Variants in APOM observed in about 807,000 individuals in gnomAD.
APOM encodes NG20-like protein.
Under a neutral mutation model 23.5 loss-of-function variants are expected in APOM, and 24 were observed. The observed-to-expected ratio is 1.02, with a 90% CI of 0.74 to 1.44. APOM has a LOEUF of 1.44. APOM is among the 40% of genes most tolerant of loss of function. The probability of loss-of-function intolerance (pLI) is 0.00; values close to 1 mark genes in which losing one functional copy is unlikely to be tolerated. For missense variants in APOM, 200 were observed against 233.2 expected (o/e 0.86, Z 0.93); for synonymous variants, 82 against 84.1 (o/e 0.97, Z 0.14).
At chr6:31,655,717 C>CCTGA (rs951357977), upstream of APOM, 2 of 470,008 alleles carry the variant, frequency 4.3e-6, no homozygotes, top group Non-Finnish European at 7.8e-6. Flanking sequence ...GCTCAGCTCT[C>CCTGA]CTCATAACTC....
upstream of APOM, chr6:31,652,487 G>C (rs1453417446): frequency 6.6e-6 from 1 of 152,280 alleles, no homozygotes; most frequent in African/African-American, 2.4e-5. Flanking sequence ...GATACTTCCG[G>C]CTCCCCCCAG....
At chr6:31,657,155 A>G (rs1800178215) in intron 2 of APOM, 70 bp from the exon 3 acceptor site, 1 of 1,480,438 alleles carries the variant, frequency 6.8e-7, no homozygotes, top group South Asian at 1.2e-5. Context: ...CAAAAAAAAA[A>G]AAAAGAAGCT....
Position 31,655,900 on chromosome 6 carries a change from G to T in APOM, c.-67G>T. The T allele has an allele frequency of 1.0e-5, 11 of 1,086,072 alleles. No homozygotes were observed. Among genetic ancestry groups the T allele is most frequent in the Non-Finnish European group, 1.5e-5 (11 of 726,940 alleles). The allele number at this position is 1,086,072 out of a possible 1,614,324, so 67.3% of individuals were successfully genotyped here. A position where few individuals can be genotyped will look rare whatever the true frequency, so the allele number is the denominator to read the frequency against. On this transcript the variant is annotated 5_prime_UTR_variant, in exon 1 of 6. Coordinates refer to ENST00000375916, the MANE Select transcript of APOM (RefSeq NM_019101.3). ...ACGCAAGGGAGCTGAAAGCAGAGTG[G>T]ACTGAGCAGCCAGTAGGGGAGAGAG...
chr6:31,655,784 G>A (rs1404073224), upstream of APOM: 3 of 580,378 alleles, frequency 5.2e-6, no homozygotes, highest in African/African-American at 1.9e-5. Flanking sequence ...CCGGAAGAGG[G>A]GGAGGAAGTC....
At chr6:31,653,102 C>G (rs953162210), upstream of APOM, among the ~76,000 whole-genome samples, 3 of 152,212 alleles carry the variant, frequency 2.0e-5, no homozygotes, top group African/African-American at 7.2e-5. Context: ...GGGCTGTGGG[C>G]GTCACATTCG....
At chr6:31,655,207 C>T (rs1799915791), upstream of APOM, among the ~76,000 whole-genome samples, 1 of 152,206 alleles carries the variant, frequency 6.6e-6, no homozygotes, top group African/African-American at 2.4e-5. Flanking sequence ...TCTCAAAGTG[C>T]TGAGATTACA....
chr6:31,655,116 T>A (rs805296), upstream of APOM, among the ~76,000 whole-genome samples: 2 of 152,170 alleles, frequency 1.3e-5, no homozygotes, highest in Non-Finnish European at 2.9e-5. Flanking sequence ...AATTTTTGTA[T>A]TTTTTGTAGA....
upstream of APOM, among the ~76,000 whole-genome samples, chr6:31,652,960 C>G (rs997773381): frequency 6.6e-6 from 1 of 152,154 alleles, no homozygotes; most frequent in Non-Finnish European, 1.5e-5. Context: ...CACCCTATTG[C>G]CCTCGCTGCG....
rs1800071612 is a variant in APOM, at chr6:31,656,460, TTG to T, written c.115-10_115-9del. 6.2e-7 allele frequency: 1 copy of T among 1,612,904 alleles called. No individual in the cohort carries two copies. The highest frequency in any genetic ancestry group is 2.2e-5 in the East Asian group (1 of 44,888). On this transcript the variant is annotated splice_polypyrimidine_tract_variant and intron_variant, in intron 1 of 5. Transcript: ENST00000375916. ...AACCCACCCTCTTTTGCTCCCTTCA[TTG>T]TCTCTCCAGTTCCCAGAGGTCCACT...
chr6:31,656,591 C>A lies in APOM; in HGVS notation c.234C>A (p.Ala78=). The A allele has an allele frequency of 6.2e-7, 1 of 1,614,082 alleles. No homozygotes were observed. The highest frequency in any genetic ancestry group is 8.5e-7 in the Non-Finnish European group (1 of 1,179,998). ...NIVFNMAAGS[A]PMQLHLRATI... is the part of the protein sequence containing the mutation. ...TCTTCAATATGGCTGCTGGCTCTGC[C>A]CCGATGCAGCTCCACCTTCGTGCTA... The change falls in exon 2 of 6, where the codon GCC becomes GCA. Residue 78 remains alanine, a synonymous_variant. Transcript: ENST00000375916.
chr6:31,658,105 A>G lies in APOM; in HGVS notation c.*16A>G, dbSNP rs916284431. 4 of 1,613,786 alleles carry G rather than the reference A, an allele frequency of 2.5e-6. No individual in the cohort carries two copies. The highest frequency in any genetic ancestry group is 3.4e-6 in the Non-Finnish European group (4 of 1,179,722). On this transcript the variant is annotated 3_prime_UTR_variant, in exon 6 of 6. Transcript: ENST00000375916. ...CAATAACTGACCTGTAACTTCATCT[A>G]AGTCCCCAGATGGGTACAATGGGAG...
chr6:31,657,696 G>A lies in APOM; in HGVS notation c.514G>A (p.Ala172Thr), dbSNP rs144753510. 1.9e-4 allele frequency: 301 copies of A among 1,613,088 alleles called. No individual in the cohort carries two copies. Among genetic ancestry groups the A allele is most frequent in the Non-Finnish European group, 2.3e-4 (270 of 1,179,878 alleles). The change falls in exon 5 of 6, where the codon GCC (alanine) becomes ACC (threonine). Residue 172 changes from alanine (A) to threonine (T), a missense_variant. Physicochemically the swap from Ala to Thr is moderately conservative, Grantham distance 58 (BLOSUM62 0). Transcript: ENST00000375916. The part of the protein sequence containing the change: ...KSLTSCLDSK[A>T]FLLTPRNQEA... ...CCTGACTTCCTGCCTGGACTCCAAA[G>A]CCTTCTTATTGACTCCTAGGAATCA...
At chr6:31,656,413 G>T in intron 1 of APOM, 59 bp from the exon 2 acceptor site, 2 of 1,571,666 alleles carry the variant, frequency 1.3e-6, no homozygotes, top group Non-Finnish European at 1.7e-6. Flanking sequence ...CTGATGAAGA[G>T]GTTGAACCCA....
rs976798214 is a variant in APOM at position 31,657,459 on chromosome 6, C to A, written c.423C>A (p.Tyr141Ter). 1 of 1,612,818 alleles carries A rather than the reference C, an allele frequency of 6.2e-7. No individual in the cohort carries two copies. The highest frequency in any genetic ancestry group is 1.3e-5 in the African/African-American group (1 of 75,024). Reference sequence around the variant, plus strand: ...TGCTGAATGAGACAGGCCAGGGTTACCAGCGCTTTCTCCTCTACAGTGAGT... The same window carrying A: ...TGCTGAATGAGACAGGCCAGGGTTAACAGCGCTTTCTCCTCTACAGTGAGT... ...GIMLNETGQGYQRFLLYNRSP... is the reference protein window; with the variant it reads ...GIMLNETGQG Residue 141 changes from tyrosine (Y) to a stop codon, truncating the protein, a stop_gained, in exon 4 of 6, where the codon TAC (tyrosine) becomes TAA (stop). Coordinates refer to ENST00000375916, the MANE Select transcript of APOM (RefSeq NM_019101.3). LOFTEE classifies it high-confidence loss of function.
At chr6:31,653,699 TGA>T (rs1799381820), upstream of APOM, among the ~76,000 whole-genome samples, 1 of 152,162 alleles carries the variant, frequency 6.6e-6, no homozygotes, top group South Asian at 2.1e-4. Context: ...CTTATTTTTT[TGA>T]GAGAGGGTCT....
At chr6:31,653,499 C>T (rs933332864), upstream of APOM, among the ~76,000 whole-genome samples, 2 of 152,210 alleles carry the variant, frequency 1.3e-5, no homozygotes, top group Non-Finnish European at 1.5e-5. Flanking sequence ...GTTTAATGAG[C>T]ACTTGTGCCA....
At chr6:31,655,123 TAG>T (rs1287302043), upstream of APOM, among the ~76,000 whole-genome samples, 1 of 152,222 alleles carries the variant, frequency 6.6e-6, no homozygotes, top group Non-Finnish European at 1.5e-5. Flanking sequence ...GTATTTTTTG[TAG>T]AGACAGAGTT....
chr6:31,658,184 A>G lies in APOM; in HGVS notation c.*95A>G. The stretch of plus-strand genomic sequence containing the variant: ...CTTCCAGCTCCAGCTCCCACTCAAG[A>G]TAATAAAGATAATTTTTCAATCCTC... On this transcript the variant is annotated 3_prime_UTR_variant, in exon 6 of 6. Transcript: ENST00000375916. 1 of 1,384,516 alleles carries G rather than the reference A, an allele frequency of 7.2e-7. No individual in the cohort carries two copies. Among genetic ancestry groups the G allele is most frequent in the Non-Finnish European group, 1.0e-6 (1 of 973,868 alleles). 85.8% of individuals were successfully genotyped at this position (1,384,516 alleles called of 1,614,324 possible).
In APOM at chr6:31,657,670, C is replaced by T. The variant is rs779794687; in HGVS notation, c.488C>T (p.Ser163Phe). The change falls in exon 5 of 6, where the codon TCC becomes TTC. Residue 163 changes from serine to phenylalanine, a missense_variant. By Grantham distance (155) the Ser-to-Phe change is radical. Coordinates refer to ENST00000375916, the MANE Select transcript of APOM (RefSeq NM_019101.3). ...GAAAAGTGTGTGGAGGAATTCAAGT[C>T]CCTGACTTCCTGCCTGGACTCCAAA... ...PPEKCVEEFK[S>F]LTSCLDSKAF... 1.9e-6 allele frequency: 3 copies of T among 1,613,200 alleles called. No homozygotes were observed. The Admixed American group carries it at 5.0e-5, about 27-fold the overall frequency.
Sources: allele counts gnomAD v4.1 joint callset (sites outside exome capture counted in the v4.1 genomes callset), GRCh38; gene constraint gnomAD v4.1.1; transcripts MANE v1.5; gene names NCBI Gene and HGNC (gene_info 2026-07-23, HGNC 2026-07-21).